Variants in ZNF500 observed in about 807,000 individuals in gnomAD.
ZNF500 encodes the protein zinc finger protein 500, also known as zinc finger protein with KRAB and SCAN domains 18.
In ZNF500, 31 loss-of-function variants were observed where a neutral mutation model predicts 30.1. The ratio of observed to expected loss-of-function variants is 1.03; its 90% CI spans 0.77 to 1.39. The LOEUF (loss-of-function observed/expected upper bound fraction) is 1.39. ZNF500 is among the 40% of genes most tolerant of loss of function. The pLI is 0.00. For synonymous variants in ZNF500, 392 were observed against 282.0 expected (o/e 1.39, Z -3.91); for missense variants, 817 against 657.8 (o/e 1.24, Z -2.65).
chr16:4,763,717 A>G (rs1483776474), intron 2 of ZNF500: 1 of 954,602 alleles, frequency 1.0e-6, no homozygotes, highest in Non-Finnish European at 1.2e-6. Context: ...GAAGGAAGCC[A>G]TGCCGGGAAC....
downstream of ZNF500, chr16:4,747,035 C>G (rs1385516894): frequency 1.8e-5 from 27 of 1,522,398 alleles, no homozygotes; most frequent in Non-Finnish European, 2.3e-5. Context: ...GGTAACCACC[C>G]AGGGGCCTCT....
At chr16:4,746,536 A>T (rs1014655549), downstream of ZNF500, 20 of 1,605,650 alleles carry the variant, frequency 1.2e-5, no homozygotes, top group Non-Finnish European at 1.7e-5. Context: ...TGACTACCCC[A>T]TACCAGCCTC....
intron 5 of ZNF500, among the ~76,000 whole-genome samples, chr16:4,755,620 C>A (rs937623600): frequency 1.3e-5 from 2 of 152,030 alleles, no homozygotes; most frequent in Admixed American, 6.6e-5. Flanking sequence ...CCTGGCCGTA[C>A]AAATATTTTT....
intron 2 of ZNF500, chr16:4,763,589 C>T (rs1326106656): frequency 1.0e-6 from 1 of 985,246 alleles, no homozygotes; most frequent in Non-Finnish European, 1.2e-6. Context: ...CTCAGGCTTC[C>T]TCTTATTCAA....
At chr16:4,762,166 CA>C in intron 4 of ZNF500, 104 bp downstream of exon 4, 1 of 1,343,172 alleles carries the variant, frequency 7.4e-7, no homozygotes, top group Non-Finnish European at 1.0e-6. Context: ...CTCTGACATC[CA>C]AAACCTTGGC....
At chr16:4,746,112 A>T, downstream of ZNF500, 2 of 388,680 alleles carry the variant, frequency 5.1e-6, no homozygotes, top group Non-Finnish European at 9.2e-6. Context: ...TTAAATGTAA[A>T]CTTAGCCACT....
chr16:4,745,867 T>C (rs1282243183), downstream of ZNF500, among the ~76,000 whole-genome samples: 1 of 148,352 alleles, frequency 6.7e-6, no homozygotes, highest in Non-Finnish European at 1.5e-5. Context: ...GCAGGAGAAA[T>C]CTCTTGAACC....
At chr16:4,758,632 C>G (rs2082163936) in intron 5 of ZNF500, 1 of 152,196 alleles carries the variant, frequency 6.6e-6, no homozygotes, top group Non-Finnish European at 1.5e-5. Context: ...CAAATAATCA[C>G]TTTCATCAGT....
intron 2 of ZNF500, among the ~76,000 whole-genome samples, chr16:4,765,278 A>T (rs921683098): frequency 2.0e-5 from 3 of 152,122 alleles, no homozygotes; most frequent in Non-Finnish European, 4.4e-5. Context: ...CCTGGGCAAC[A>T]GAGCGAGACT....
Position 4,750,509 on chromosome 16 carries a change from G to T in ZNF500, c.*1867C>A, listed in dbSNP as rs77908693. 0.15 allele frequency: 4,847 copies of T among 33,364 alleles called. 233 individuals are homozygous for T. The highest frequency in any genetic ancestry group is 0.24 in the African/African-American group (3,752 of 15,384). 2.1% of individuals were successfully genotyped at this position (33,364 alleles called of 1,614,324 possible). The stretch of plus-strand genomic sequence containing the variant: ...TGCCTGGCTAATTTTTTTTTTTTTT[G>T]TGTGGAGTCTCGTTCTATCACCAGG... On this transcript the variant is annotated 3_prime_UTR_variant, in exon 6 of 6. Transcript: ENST00000219478.
chr16:4,758,312 C>T (rs973087360), intron 5 of ZNF500: 1 of 152,204 alleles, frequency 6.6e-6, no homozygotes, highest in East Asian at 1.9e-4. Context: ...GCCTGTGACC[C>T]TGAGAGGGAA....
At chr16:4,747,723 T>C, downstream of ZNF500, 1 of 1,394,748 alleles carries the variant, frequency 7.2e-7, no homozygotes, top group Admixed American at 2.6e-5. Flanking sequence ...GCATTTCCAC[T>C]AGCAGGGGCA....
At position 4,762,581 on chromosome 16, in the gene ZNF500, G is replaced by A. The variant is rs371050461; in HGVS notation, c.590C>T (p.Pro197Leu). The change falls in exon 3 of 6, where the codon CCA (proline) becomes CTA (leucine). Residue 197 changes from proline to leucine, a missense_variant. Coordinates refer to ENST00000219478, the MANE Select transcript of ZNF500 (RefSeq NM_021646.4). ...AAAGGGGTGCTACTCACCTCTCTCT[G>A]GCCACAACAGCGGGCCCCTCTGTGG... is the stretch of plus-strand genomic sequence containing the variant. ...HRPQRGPLLW[P>L]ERGPPAPRHQ... 5.1e-4 allele frequency: 826 copies of A among 1,612,496 alleles called. 4 individuals carry two copies. In the South Asian group the frequency reaches 8.2e-3, roughly 16 times the overall value.
At chr16:4,763,345 G>T (rs1198761196) in intron 2 of ZNF500, among the ~76,000 whole-genome samples, 3 of 151,360 alleles carry the variant, frequency 2.0e-5, no homozygotes, top group Non-Finnish European at 4.4e-5. Context: ...GTTGCAGTGA[G>T]CCGAGATCGT....
At position 4,765,778 on chromosome 16, in the gene ZNF500, G is replaced by C; in HGVS notation, c.201C>G (p.Ala67=). The stretch of plus-strand genomic sequence containing the variant: ...AGCACAGCTCCCAGAGGCGGCTCAG[G>C]GCCTCCCGGGGCCCAGCCACCTCCT... ...CYQEVAGPRE[A]LSRLWELCCR... is the part of the protein sequence containing the mutation. The change falls in exon 2 of 6, where the codon GCC becomes GCG. Residue 67 remains alanine, a synonymous_variant. Transcript: ENST00000219478. The C allele has an allele frequency of 1.9e-6, 3 of 1,612,942 alleles. No individual in the cohort carries two copies. The highest frequency in any genetic ancestry group is 1.7e-6 in the Non-Finnish European group (2 of 1,179,848).
In ZNF500 at chr16:4,748,254, C is replaced by T. The variant is rs554988094; in HGVS notation, c.*4122G>A. Reference sequence around the variant, plus strand: ...TTTTTTTTTTGTAGAGATGGGGTCTCACGGTGTTGCCCAGGTTGGTCTGGA... The same window carrying T: ...TTTTTTTTTTGTAGAGATGGGGTCTTACGGTGTTGCCCAGGTTGGTCTGGA... On this transcript the variant is annotated 3_prime_UTR_variant, in exon 6 of 6. Coordinates refer to ENST00000219478, the MANE Select transcript of ZNF500 (RefSeq NM_021646.4). The T allele has an allele frequency of 7.1e-6, 1 of 140,968 alleles. No individual in the cohort carries two copies. Among genetic ancestry groups the T allele is most frequent in the African/African-American group, 2.6e-5 (1 of 38,120 alleles). 8.7% of individuals were successfully genotyped at this position (140,968 alleles called of 1,614,324 possible).
intron 5 of ZNF500, among the ~76,000 whole-genome samples, chr16:4,753,982 G>A (rs1318665815): frequency 2.0e-5 from 3 of 152,240 alleles, no homozygotes; most frequent in Non-Finnish European, 2.9e-5. Flanking sequence ...CAGGAGAACA[G>A]GGAGAGGGGC....
At chr16:4,746,372 C>G, downstream of ZNF500, 1 of 1,610,094 alleles carries the variant, frequency 6.2e-7, no homozygotes, top group Non-Finnish European at 8.5e-7. Context: ...TTTCTCATTT[C>G]AGATGTGCCT....
At chr16:4,757,059 A>T (rs2082142513) in intron 5 of ZNF500, among the ~76,000 whole-genome samples, 1 of 152,190 alleles carries the variant, frequency 6.6e-6, no homozygotes, top group African/African-American at 2.4e-5. Flanking sequence ...CCTGTCTCAA[A>T]AAAGGGAAGA....
Sources: allele counts gnomAD v4.1 joint callset (sites outside exome capture counted in the v4.1 genomes callset), GRCh38; gene constraint gnomAD v4.1.1; transcripts MANE v1.5; gene names NCBI Gene and HGNC (gene_info 2026-07-23, HGNC 2026-07-21).